Variants in MYOM3 observed in about 807,000 individuals in gnomAD.
The protein encoded by MYOM3 is myomesin 3.
MYOM3 carries 155 observed loss-of-function variants against 191.7 expected under a neutral mutation model. The ratio of observed to expected loss-of-function variants is 0.81; its 90% CI spans 0.71 to 0.92. MYOM3 has a LOEUF of 0.92. Among genes scored for constraint, MYOM3 ranks in the 40% least tolerant of loss-of-function variants. The pLI is 0.00. For missense variants in MYOM3, 1,889 were observed against 1,890.6 expected, an observed-to-expected ratio of 1.00 and a Z score of 0.02; for synonymous variants, 757 against 762.9, an observed-to-expected ratio of 0.99 and a Z score of 0.13.
chr1:24,085,181 AATGG>A (rs554945831), intron 15 of MYOM3, among the ~76,000 whole-genome samples: 19 of 136,128 alleles, frequency 1.4e-4, no homozygotes, highest in Admixed American at 4.3e-4. Context: ...TGGATGAATA[AATGG>A]ATGGATGGAT....
rs998617826 is a variant in MYOM3 at position 24,081,387 on chromosome 1, C to T, written c.2350G>A (p.Glu784Lys). ...AACAGGCTGCTGGGTGCCGACAGCT[C>T]GCCAACACCTGCCCAGTTGGCAGCC... is the stretch of plus-strand genomic sequence containing the variant. ...ARAANWAGVG[E>K]LSAPSSLFEC... The change falls in exon 19 of 37, where the codon GAG (glutamate) becomes AAG (lysine). Residue 784 changes from glutamate (E) to lysine (K), a missense_variant. Physicochemically the swap from Glu to Lys is moderately conservative, Grantham distance 56. Transcript: ENST00000374434. 3.1e-6 allele frequency: 5 copies of T among 1,614,036 alleles called. No individual in the cohort carries two copies. Among genetic ancestry groups the T allele is most frequent in the Non-Finnish European group, 4.2e-6 (5 of 1,180,048 alleles).
chr1:24,091,611 A>G (rs1643832052), intron 11 of MYOM3, among the ~76,000 whole-genome samples: 1 of 152,180 alleles, frequency 6.6e-6, no homozygotes, highest in South Asian at 2.1e-4. Flanking sequence ...TGGTTTCCCC[A>G]TCTATAGAAG....
intron 16 of MYOM3, chr1:24,084,063 C>G (rs576925272): frequency 1.1e-5 from 2 of 185,900 alleles, no homozygotes; most frequent in African/African-American, 2.4e-5. Flanking sequence ...GAGGGGTGAT[C>G]TGGTTTGGCT....
At chr1:24,093,291 C>T (rs1643862266) in intron 9 of MYOM3, among the ~76,000 whole-genome samples, 183 bp from the exon 10 acceptor site, 1 of 152,124 alleles carries the variant, frequency 6.6e-6, no homozygotes, top group South Asian at 2.1e-4. Context: ...GTGGAGAACT[C>T]TCCTTTGCAG....
rs371701344 is a variant in MYOM3, at chr1:24,057,343, A to C, written c.*21T>G. 1.9e-6 allele frequency: 3 copies of C among 1,606,338 alleles called. No homozygotes were observed. Among genetic ancestry groups the C allele is most frequent in the Non-Finnish European group, 2.6e-6 (3 of 1,176,124 alleles). On this transcript the variant is annotated 3_prime_UTR_variant, in exon 37 of 37. Coordinates refer to ENST00000374434, the MANE Select transcript of MYOM3 (RefSeq NM_152372.4). ...ACTGGTCCATGTAGACTAGACTCAG[A>C]CTGTGCCTGGACACACGCTGTCACA...
At position 24,094,896 on chromosome 1, in the gene MYOM3, C is replaced by T. The variant is rs769143926; in HGVS notation, c.885G>A (p.Ser295=). ...KEPFSLSCLF[S]EDVLDAESIQ... ...TGCTCTCAGCATCTAACACATCTTCCGAAAACAAGCATGACAGGGAGAAGG... is the reference window on the plus strand; with the variant it reads ...TGCTCTCAGCATCTAACACATCTTCTGAAAACAAGCATGACAGGGAGAAGG... The change falls in exon 9 of 37, where the codon TCG becomes TCA. Residue 295 remains serine, a synonymous_variant. Coordinates refer to ENST00000374434, the MANE Select transcript of MYOM3 (RefSeq NM_152372.4). 18 of 1,613,928 alleles carry T rather than the reference C, an allele frequency of 1.1e-5. No individual in the cohort carries two copies. The highest frequency in any genetic ancestry group is 5.0e-5 in the Admixed American group (3 of 59,984).
At chr1:24,098,447 T>G (rs956976334) in intron 6 of MYOM3, among the ~76,000 whole-genome samples, 1 of 152,236 alleles carries the variant, frequency 6.6e-6, no homozygotes. Flanking sequence ...TGGATAGAAC[T>G]GAGCCAGACA....
In MYOM3 at chr1:24,056,789, T is replaced by C. The variant is rs571655363; in HGVS notation, c.*575A>G. 6.5e-6 allele frequency: 1 copy of C among 152,920 alleles called. No homozygotes were observed. Among genetic ancestry groups the C allele is most frequent in the African/African-American group, 2.4e-5 (1 of 41,580 alleles). 9.5% of individuals were successfully genotyped at this position (152,920 alleles called of 1,614,324 possible). ...TTATAATCTTTATCATGTCCTGCCT[T>C]GTCCTGGAGTTGTTTGCGCCCAGGT... On this transcript the variant is annotated 3_prime_UTR_variant, in exon 37 of 37. Coordinates refer to ENST00000374434, the MANE Select transcript of MYOM3 (RefSeq NM_152372.4).
At chr1:24,097,476 C>A (rs370966555) in intron 7 of MYOM3, among the ~76,000 whole-genome samples, 1 of 152,208 alleles carries the variant, frequency 6.6e-6, no homozygotes, top group Non-Finnish European at 1.5e-5. Context: ...GGGCCCCTTT[C>A]GCTAATTCAT....
intron 1 of MYOM3, among the ~76,000 whole-genome samples, chr1:24,110,327 TGGA>T (rs1411315883): frequency 6.8e-6 from 1 of 146,038 alleles, no homozygotes; most frequent in Non-Finnish European, 1.5e-5. Flanking sequence ...AGGGTCCTGC[TGGA>T]GGTGGCAGCG....
Position 24,063,625 on chromosome 1 carries a change from G to C in MYOM3, c.3623-95C>G. 7.0e-7 allele frequency: 1 copy of C among 1,427,044 alleles called. No homozygotes were observed. The highest frequency in any genetic ancestry group is 9.8e-7 in the Non-Finnish European group (1 of 1,019,556). 88.4% of individuals were successfully genotyped at this position (1,427,044 alleles called of 1,614,324 possible). On this transcript the variant is annotated intron_variant, in intron 30 of 36. Transcript: ENST00000374434. The surrounding 1 kb of genome is among the most constrained non-coding windows in gnomAD (Gnocchi z 4.5). Reference sequence around the variant, plus strand: ...TCCTAGAAAAAGGCTGGTGGAGCCCGTGAGCTGCTCTCAGGGGGACAGGCA... The same window carrying C: ...TCCTAGAAAAAGGCTGGTGGAGCCCCTGAGCTGCTCTCAGGGGGACAGGCA...
chr1:24,111,211 C>G lies in MYOM3; in HGVS notation c.-19+820G>C, dbSNP rs1644035649. Among the ~76,000 whole-genome samples the G allele has an allele frequency of 6.6e-6, 1 of 152,262 alleles. No individual in the cohort carries two copies. Among genetic ancestry groups the G allele is most frequent in the African/African-American group, 2.4e-5 (1 of 41,464 alleles). On this transcript the variant is annotated intron_variant, in intron 1 of 36. Transcript: ENST00000374434. This position sits in a 1 kb window ranked among gnomAD's most constrained non-coding sequence, Gnocchi z 4.7. Reference sequence around the variant, plus strand: ...TGGAGGGGAAACTGCCCCCGCTTCCCTCTCTTGGGGTGCAAAAATCTGGGC... The same window carrying G: ...TGGAGGGGAAACTGCCCCCGCTTCCGTCTCTTGGGGTGCAAAAATCTGGGC...
chr1:24,096,473 C>T (rs545924088), intron 7 of MYOM3, among the ~76,000 whole-genome samples: 1 of 152,202 alleles, frequency 6.6e-6, no homozygotes, highest in Admixed American at 6.5e-5. Flanking sequence ...GAGGCAGGGC[C>T]CCAGTCCCTG....
chr1:24,106,492 G>A (rs1028929236), intron 4 of MYOM3, among the ~76,000 whole-genome samples: 2 of 152,140 alleles, frequency 1.3e-5, no homozygotes, highest in African/African-American at 4.8e-5. Context: ...TGTGTTCTAG[G>A]CAATGGGAAA....
In MYOM3 at chr1:24,071,233, A is replaced by G; in HGVS notation, c.3034T>C (p.Trp1012Arg). Residue 1012 changes from tryptophan to arginine, a missense_variant, in exon 25 of 37, where the codon TGG (tryptophan) becomes CGG (arginine). Physicochemically the swap from Trp to Arg is moderately radical, Grantham distance 101 (BLOSUM62 -3). Transcript: ENST00000374434. Reference protein sequence around the residue: ...RNPVIKLISGWNIDILERGEV... With the variant: ...RNPVIKLISGRNIDILERGEV... The stretch of plus-strand genomic sequence containing the variant: ...CCTCGCTCCAGGATGTCAATGTTCC[A>G]GCCGGAGATCAGTTTGATCACTGGG... 6.2e-7 allele frequency: 1 copy of G among 1,613,558 alleles called. No homozygotes were observed. The highest frequency in any genetic ancestry group is 1.1e-5 in the South Asian group (1 of 90,870).
chr1:24,096,171 C>G (rs1262224998), intron 7 of MYOM3, among the ~76,000 whole-genome samples: 2 of 152,192 alleles, frequency 1.3e-5, no homozygotes, highest in African/African-American at 4.8e-5. Flanking sequence ...AAGGCCCTTC[C>G]TGAGCAAGGT....
chr1:24,105,497 C>T (rs551766338), intron 5 of MYOM3, among the ~76,000 whole-genome samples: 11 of 152,346 alleles, frequency 7.2e-5, no homozygotes, highest in African/African-American at 2.4e-4. Context: ...GCCCAGCTTG[C>T]AGCACCTGCC....
chr1:24,074,329 GC>G, intron 22 of MYOM3, 60 bp from the exon 23 acceptor site: 2 of 1,326,964 alleles, frequency 1.5e-6, no homozygotes, highest in Middle Eastern at 2.2e-4. Context: ...TGCACTAGAG[GC>G]CTGGGAGCCA....
Position 24,092,322 on chromosome 1 carries a change from C to A in MYOM3, c.1091-7G>T. ...GGGTTCTCGGCCTCGGCATCTGAAA[C>A]CCGGGGGTGAGAGGGAGGCCCTTCT... On this transcript the variant is annotated splice_region_variant and splice_polypyrimidine_tract_variant and intron_variant, in intron 10 of 36. Coordinates refer to ENST00000374434, the MANE Select transcript of MYOM3 (RefSeq NM_152372.4). 1 of 1,349,260 alleles carries A rather than the reference C, an allele frequency of 7.4e-7. No homozygotes were observed. The allele number at this position is 1,349,260 out of a possible 1,614,324, so 83.6% of individuals were successfully genotyped here. A position where few individuals can be genotyped will look rare whatever the true frequency, so the allele number is the denominator to read the frequency against.
Sources: gnomAD v4.1 joint callset for allele counts (sites outside exome capture counted in the v4.1 genomes callset) on GRCh38, gnomAD v4.1.1 for gene constraint, Gnocchi (gnomAD v3.1) non-coding constraint, MANE v1.5 for transcripts, NCBI Gene and HGNC (gene_info 2026-07-23, HGNC 2026-07-21) for gene names.